The following NCBP1 variants were observed in gnomAD, a reference collection of about 807,000 sequenced individuals.
NCBP1 encodes the protein nuclear cap binding protein subunit 1.
A neutral mutation model predicts 111.7 loss-of-function variants in NCBP1; 16 were observed. That is an observed-to-expected ratio of 0.14 (90% CI 0.10 to 0.22). The LOEUF (loss-of-function observed/expected upper bound fraction) is 0.22, where lower values mean the gene tolerates loss of function less well. NCBP1 is among the 10% of genes least tolerant of loss of function. The pLI, the probability that NCBP1 is intolerant of heterozygous loss-of-function variation, is 1.00. For missense variants in NCBP1, 607 were observed against 957.5 expected, an observed-to-expected ratio of 0.63 and a Z score of 4.83; for synonymous variants, 304 against 314.3, an observed-to-expected ratio of 0.97 and a Z score of 0.35.
chr9:97,669,786 T>C, intron 22 of NCBP1, 80 bp downstream of exon 22: 1 of 1,019,120 alleles, frequency 9.8e-7, no homozygotes, highest in Non-Finnish European at 1.5e-6. Context: ...CTTGTCAAAT[T>C]TGTTAGGAGG....
At chr9:97,643,161 C>T in intron 3 of NCBP1, 43 bp from the exon 4 acceptor site, 1 of 1,528,078 alleles carries the variant, frequency 6.5e-7, no homozygotes, top group Non-Finnish European at 8.7e-7. Flanking sequence ...AACTTAACGC[C>T]ATTGTTTTGG....
At chr9:97,655,667 C>A (rs772551718) in intron 12 of NCBP1, 35 bp from the exon 13 acceptor site, 1 of 1,552,580 alleles carries the variant, frequency 6.4e-7, no homozygotes, top group Non-Finnish European at 8.8e-7. Flanking sequence ...GTTATTCTTC[C>A]TTTTTCTCTG....
At chr9:97,654,392 A>G (rs1465128998) in intron 11 of NCBP1, among the ~76,000 whole-genome samples, 1 of 152,212 alleles carries the variant, frequency 6.6e-6, no homozygotes, top group African/African-American at 2.4e-5. Flanking sequence ...CATAGAAAGC[A>G]TCTTCTTATT....
Position 97,671,344 on chromosome 9 carries a change from G to A in NCBP1, c.*145G>A. On this transcript the variant is annotated 3_prime_UTR_variant, in exon 23 of 23. Transcript: ENST00000375147. The stretch of plus-strand genomic sequence containing the variant: ...GGGGAAGAGGACAGTGAATGAACAT[G>A]GCATTACTTTTAATTGCCCTGAAAA... The A allele has an allele frequency of 1.7e-6, 1 of 595,468 alleles. No homozygotes were observed. The highest frequency in any genetic ancestry group is 2.9e-6 in the Non-Finnish European group (1 of 346,766). The allele number at this position is 595,468 out of a possible 1,614,324, so 36.9% of individuals were successfully genotyped here.
chr9:97,635,339 G>T (rs1194000119), intron 1 of NCBP1, among the ~76,000 whole-genome samples: 1 of 151,982 alleles, frequency 6.6e-6, no homozygotes, highest in Non-Finnish European at 1.5e-5. Flanking sequence ...AAATAACTAT[G>T]CTGCGTGCTT....
intron 1 of NCBP1, among the ~76,000 whole-genome samples, chr9:97,636,633 AATACATATATATAT>A (rs1478369277): frequency 1.1e-5 from 1 of 90,404 alleles, no homozygotes; most frequent in Non-Finnish European, 2.2e-5. Context: ...TATGGAAAGT[AATACATATATATAT>A]ATATATATAT....
In NCBP1 at chr9:97,654,876, A is replaced by G; in HGVS notation, c.1171-4A>G. 1 of 1,613,646 alleles carries G rather than the reference A, an allele frequency of 6.2e-7. No homozygotes were observed. Among genetic ancestry groups the G allele is most frequent in the Non-Finnish European group, 8.5e-7 (1 of 1,179,822 alleles). On this transcript the variant is annotated splice_region_variant and splice_polypyrimidine_tract_variant and intron_variant, in intron 11 of 22. Coordinates refer to ENST00000375147, the MANE Select transcript of NCBP1 (RefSeq NM_002486.5). ...GAATAGTTTTCCTTATCCTAAATTC[A>G]CAGCTTGCACAGGCAACTGAAATGC...
At chr9:97,662,261 G>C in intron 17 of NCBP1, 117 bp downstream of exon 17, 1 of 712,174 alleles carries the variant, frequency 1.4e-6, no homozygotes, top group Non-Finnish European at 2.4e-6. Context: ...GTGTATAATT[G>C]GACACAGTGG....
At chr9:97,655,165 C>A (rs1383217128) in intron 12 of NCBP1, among the ~76,000 whole-genome samples, 1 of 152,148 alleles carries the variant, frequency 6.6e-6, no homozygotes, top group Non-Finnish European at 1.5e-5. Flanking sequence ...AGTCAAGTAT[C>A]AAAGACTATA....
rs1380865282 is a variant in NCBP1 at position 97,658,733 on chromosome 9, T to G, written c.1467T>G (p.Asp489Glu). The change falls in exon 15 of 23, where the codon GAT (aspartate) becomes GAG (glutamate). Residue 489 changes from aspartate to glutamate, a missense_variant. Physicochemically the swap from Asp to Glu is conservative, Grantham distance 45. Transcript: ENST00000375147. Reference sequence around the variant, plus strand: ...CAACCTGCATTTACAAGTATGGAGATGAAAGTAGCAGTAAGTAATGAAACT... The same window carrying G: ...CAACCTGCATTTACAAGTATGGAGAGGAAAGTAGCAGTAAGTAATGAAACT... ...ANPTCIYKYG[D>E]ESSNSLPGHS... is the part of the protein sequence containing the mutation. 6.2e-7 allele frequency: 1 copy of G among 1,602,562 alleles called. No individual in the cohort carries two copies. The highest frequency in any genetic ancestry group is 8.5e-7 in the Non-Finnish European group (1 of 1,169,854).
At chr9:97,653,525 T>C (rs1488956122) in intron 10 of NCBP1, among the ~76,000 whole-genome samples, 1 of 152,210 alleles carries the variant, frequency 6.6e-6, no homozygotes, top group Non-Finnish European at 1.5e-5. Context: ...AGTTGGAATT[T>C]AATTGCATAG....
chr9:97,664,217 C>T (rs918225700), intron 18 of NCBP1, 123 bp from the exon 19 acceptor site: 12 of 555,902 alleles, frequency 2.2e-5, no homozygotes, highest in Non-Finnish European at 3.8e-5. Flanking sequence ...CAATCAATTC[C>T]ATAGCCACCA....
chr9:97,662,604 C>G (rs1457570142), intron 17 of NCBP1, among the ~76,000 whole-genome samples: 1 of 152,196 alleles, frequency 6.6e-6, no homozygotes, highest in Non-Finnish European at 1.5e-5. Flanking sequence ...AACTGGACAT[C>G]TCACCCCATC....
At chr9:97,637,555 TAACTA>T (rs967091203) in intron 1 of NCBP1, among the ~76,000 whole-genome samples, 3 of 152,186 alleles carry the variant, frequency 2.0e-5, no homozygotes, top group African/African-American at 4.8e-5. Flanking sequence ...TTTTTTTACT[TAACTA>T]AAGAAAAAAA....
chr9:97,668,802 G>T, intron 20 of NCBP1, 44 bp from the exon 21 acceptor site: 1 of 1,593,276 alleles, frequency 6.3e-7, no homozygotes, highest in Non-Finnish European at 8.6e-7. Flanking sequence ...TTAACACACT[G>T]GAATCTAAAT....
At chr9:97,643,795 C>T (rs1418562540) in intron 4 of NCBP1, among the ~76,000 whole-genome samples, 1 of 152,128 alleles carries the variant, frequency 6.6e-6, no homozygotes, top group Non-Finnish European at 1.5e-5. Flanking sequence ...TCTGTCCTTT[C>T]TTAGTCTCCA....
chr9:97,664,471 T>C, intron 19 of NCBP1, 28 bp downstream of exon 19: 1 of 1,477,232 alleles, frequency 6.8e-7, no homozygotes, highest in Non-Finnish European at 9.4e-7. Context: ...ATGAAACTTG[T>C]GTTCCCTAAG....
chr9:97,655,629 CTT>C (rs2131349994), intron 12 of NCBP1, 71 bp from the exon 13 acceptor site: 1 of 1,251,040 alleles, frequency 8.0e-7, no homozygotes, highest in Admixed American at 2.1e-5. Context: ...TGTTTGAAGG[CTT>C]ATATAAGTTT....
intron 10 of NCBP1, among the ~76,000 whole-genome samples, chr9:97,651,925 T>C (rs16923041): frequency 0.12 from 17,964 of 152,196 alleles, 3,013 homozygotes; most frequent in African/African-American, 0.37. Context: ...AAAAGGTTGA[T>C]GTTAGTATAC....
Sources: gnomAD v4.1 joint callset for allele counts (sites outside exome capture counted in the v4.1 genomes callset) on GRCh38, gnomAD v4.1.1 for gene constraint, MANE v1.5 for transcripts, NCBI Gene and HGNC (gene_info 2026-07-23, HGNC 2026-07-21) for gene names.